MDM4: variants seen among roughly 807,000 people sequenced by gnomAD.
MDM4 encodes the protein protein Mdm4.
MDM4 carries 2 observed loss-of-function variants against 60.2 expected under a neutral mutation model. That is an observed-to-expected ratio of 0.03 (90% CI 0.01 to 0.10). The LOEUF (loss-of-function observed/expected upper bound fraction) is 0.10. Among genes scored for constraint, MDM4 ranks in the 10% least tolerant of loss-of-function variants. MDM4 has a pLI of 1.00. For missense variants in MDM4, 447 were observed against 577.5 expected (o/e 0.77, Z 2.32); for synonymous variants, 202 against 198.1 (o/e 1.02, Z -0.17).
Position 204,555,926 on chromosome 1 carries a change from G to GT in MDM4, c.*6255dup, listed in dbSNP as rs34656478. The stretch of plus-strand genomic sequence containing the variant: ...CCCTAATTTCTTATCTGAAGGCACT[G>GT]TTTTTTTTTTTAAACAGTTAAGTAC... On this transcript the variant is annotated 3_prime_UTR_variant, in exon 11 of 11. Coordinates refer to ENST00000367182, the MANE Select transcript of MDM4 (RefSeq NM_002393.5). 1,036 of 187,092 alleles carry GT rather than the reference G, an allele frequency of 5.5e-3. 2 individuals carry two copies. Among genetic ancestry groups the GT allele is most frequent in the Middle Eastern group, 0.021 (11 of 526 alleles). 11.6% of individuals were successfully genotyped at this position (187,092 alleles called of 1,614,324 possible).
chr1:204,541,404 T>C (rs947351336), intron 7 of MDM4, among the ~76,000 whole-genome samples: 1 of 152,008 alleles, frequency 6.6e-6, no homozygotes, highest in Non-Finnish European at 1.5e-5. Flanking sequence ...GAGGTGGAGA[T>C]TGCAGTGAGC....
At chr1:204,537,616 C>A in intron 6 of MDM4, 119 bp downstream of exon 6, 1 of 736,100 alleles carries the variant, frequency 1.4e-6, no homozygotes, top group East Asian at 2.5e-5. Flanking sequence ...AAGAAAGGTT[C>A]TTGGGAGTTC....
At chr1:204,548,713 A>G (rs1217709832) in intron 10 of MDM4, among the ~76,000 whole-genome samples, 2 of 152,076 alleles carry the variant, frequency 1.3e-5, no homozygotes, top group Non-Finnish European at 2.9e-5. Context: ...AACATTTGCT[A>G]TTAGTGTAGA....
chr1:204,528,865 T>G (rs1417249464), intron 3 of MDM4: 1 of 1,578,128 alleles, frequency 6.3e-7, no homozygotes, highest in African/African-American at 1.3e-5. Context: ...CGAGCTGTCA[T>G]GGTGACGACG....
rs1475208909 is a variant in MDM4 at position 204,530,796 on chromosome 1, G to A, written c.266G>A (p.Ser89Asn). ...DLLGELLGRQ[S>N]FSVKDPSPLY... Reference sequence around the variant, plus strand: ...TTGGGAGAACTACTGGGACGTCAGAGCTTCTCCGTGAAAGACCCAAGGTAA... The same window carrying A: ...TTGGGAGAACTACTGGGACGTCAGAACTTCTCCGTGAAAGACCCAAGGTAA... The change falls in exon 4 of 11, where the codon AGC becomes AAC. Residue 89 changes from serine (S) to asparagine (N), a missense_variant. Coordinates refer to ENST00000367182, the MANE Select transcript of MDM4 (RefSeq NM_002393.5). 3.7e-6 allele frequency: 6 copies of A among 1,614,182 alleles called. No homozygotes were observed. Among genetic ancestry groups the A allele is most frequent in the South Asian group, 2.2e-5 (2 of 91,076 alleles).
rs1663215028 is a variant in MDM4 at position 204,551,627 on chromosome 1, T to C, written c.*1945T>C. On this transcript the variant is annotated 3_prime_UTR_variant, in exon 11 of 11. Coordinates refer to ENST00000367182, the MANE Select transcript of MDM4 (RefSeq NM_002393.5). ...CTTTAAGTTGGTTTCCATAGAGCTATGCATGTATCCTTACCCCCATGGGAA... is the reference window on the plus strand; with the variant it reads ...CTTTAAGTTGGTTTCCATAGAGCTACGCATGTATCCTTACCCCCATGGGAA... 1.7e-5 allele frequency: 4 copies of C among 232,006 alleles called. No individual in the cohort carries two copies. The highest frequency in any genetic ancestry group is 1.7e-4 in the Admixed American group (3 of 17,746). 14.4% of individuals were successfully genotyped at this position (232,006 alleles called of 1,614,324 possible).
intron 7 of MDM4, among the ~76,000 whole-genome samples, chr1:204,541,999 GAA>G (rs1662139909): frequency 6.6e-6 from 1 of 152,210 alleles, no homozygotes; most frequent in African/African-American, 2.4e-5. Context: ...GTATGGGAAA[GAA>G]AAGAGTATCA....
At position 204,551,583 on chromosome 1, in the gene MDM4, A is replaced by G. The variant is rs969858569; in HGVS notation, c.*1901A>G. ...ATCAGAGCACATATTTTAGGACAAC[A>G]CATATGGAAATTGGACATCTTTAAG... On this transcript the variant is annotated 3_prime_UTR_variant, in exon 11 of 11. Coordinates refer to ENST00000367182, the MANE Select transcript of MDM4 (RefSeq NM_002393.5). 8.8e-6 allele frequency: 2 copies of G among 227,332 alleles called. No individual in the cohort carries two copies. The highest frequency in any genetic ancestry group is 2.3e-5 in the African/African-American group (1 of 44,086). 14.1% of individuals were successfully genotyped at this position (227,332 alleles called of 1,614,324 possible). A position where few individuals can be genotyped will look rare whatever the true frequency, so the allele number is the denominator to read the frequency against.
At chr1:204,543,434 T>A (rs560431835) in intron 8 of MDM4, among the ~76,000 whole-genome samples, 1 of 152,360 alleles carries the variant, frequency 6.6e-6, no homozygotes, top group Admixed American at 6.5e-5. Flanking sequence ...CTGTCATTCT[T>A]CTTTGTTCAC....
intron 6 of MDM4, 149 bp from the exon 7 acceptor site, chr1:204,538,059 CT>C: frequency 2.6e-6 from 2 of 769,212 alleles, no homozygotes; most frequent in Non-Finnish European, 4.8e-6. Flanking sequence ...GAGGTGTTGC[CT>C]TTATTTGATG....
rs1308461380 is a variant in MDM4, at chr1:204,557,157, G to A, written c.*7475G>A. ...ATGCTCTTGGTGTACCAAGCTCTGG[G>A]GTATATATTCAGAATACCTCATGTT... On this transcript the variant is annotated 3_prime_UTR_variant, in exon 11 of 11. Transcript: ENST00000367182. The A allele has an allele frequency of 5.1e-6, 1 of 197,176 alleles. No individual in the cohort carries two copies. Among genetic ancestry groups the A allele is most frequent in the Non-Finnish European group, 1.0e-5 (1 of 95,246 alleles). 12.2% of individuals were successfully genotyped at this position (197,176 alleles called of 1,614,324 possible).
chr1:204,542,827 G>T lies in MDM4; in HGVS notation c.555G>T (p.Arg185Ser). 1.2e-6 allele frequency: 2 copies of T among 1,613,946 alleles called. No homozygotes were observed. Among genetic ancestry groups the T allele is most frequent in the African/African-American group, 2.7e-5 (2 of 75,012 alleles). ...ATTTAGCCCAAGATGAAACATCTAGGCTGGACCTTGGATTTGAGGAGTGGG... is the reference window on the plus strand; with the variant it reads ...ATTTAGCCCAAGATGAAACATCTAGTCTGGACCTTGGATTTGAGGAGTGGG... ...IENLAQDETS[R>S]LDLGFEEWDV... The change falls in exon 8 of 11, where the codon AGG becomes AGT. Residue 185 changes from arginine (R) to serine (S), a missense_variant. Physicochemically the swap from Arg to Ser is moderately radical, Grantham distance 110. Transcript: ENST00000367182.
At chr1:204,542,695 T>C in intron 7 of MDM4, 89 bp from the exon 8 acceptor site, 2 of 980,136 alleles carry the variant, frequency 2.0e-6, no homozygotes, top group Non-Finnish European at 2.9e-6. Flanking sequence ...TTTTTACCTA[T>C]TTTATAAAGA....
chr1:204,523,893 G>A (rs767767614), intron 1 of MDM4, among the ~76,000 whole-genome samples: 16 of 152,104 alleles, frequency 1.1e-4, no homozygotes, highest in Non-Finnish European at 2.1e-4. Context: ...TGTTGTTCCC[G>A]TATTGGCTAG....
chr1:204,528,619 C>T (rs1011490467), intron 3 of MDM4, among the ~76,000 whole-genome samples: 1 of 152,222 alleles, frequency 6.6e-6, no homozygotes, highest in Admixed American at 6.5e-5. Flanking sequence ...CAGCTTTCAT[C>T]CTCTCCTTCA....
Position 204,526,234 on chromosome 1 carries a change from C to T in MDM4, c.79-126C>T, listed in dbSNP as rs577161923. The T allele has an allele frequency of 1.1e-4, 77 of 726,444 alleles. 1 individual carries two copies. The East Asian group carries it at 1.6e-3, about 15-fold the overall frequency. 45.0% of individuals were successfully genotyped at this position (726,444 alleles called of 1,614,324 possible). A position where few individuals can be genotyped will look rare whatever the true frequency, so the allele number is the denominator to read the frequency against. On this transcript the variant is annotated intron_variant, in intron 2 of 10. Transcript: ENST00000367182. ...TCACACCACTGCACTCCAGCCAAGG[C>T]GACAGAGCAAGACCTTGCCTCAAAA... is the stretch of plus-strand genomic sequence containing the variant.
rs1386856871 is a variant in MDM4 at position 204,546,189 on chromosome 1, ATTAT to A, written c.823-593_823-590del. ...CAATTTGGAGCTTTTCTACTCTGAA[ATTAT>A]TTATTTATTTATTTTTAAATTGTTT... On this transcript the variant is annotated intron_variant, in intron 9 of 10. Transcript: ENST00000367182. Among the ~76,000 whole-genome samples, 3 of 152,146 alleles carry A rather than the reference ATTAT, an allele frequency of 2.0e-5. No homozygotes were observed. The East Asian group carries it at 5.8e-4, about 29-fold the overall frequency.
chr1:204,520,808 C>G (rs887887122), intron 1 of MDM4, among the ~76,000 whole-genome samples: 4 of 151,882 alleles, frequency 2.6e-5, no homozygotes, highest in Non-Finnish European at 5.9e-5. Context: ...CCCAGGAGGT[C>G]GAGGTGGCAG....
At chr1:204,540,599 T>C (rs1458561076) in intron 7 of MDM4, among the ~76,000 whole-genome samples, 1 of 150,886 alleles carries the variant, frequency 6.6e-6, no homozygotes, top group African/African-American at 2.4e-5. Context: ...ACTGTCTATA[T>C]TAAAAATACA....
Sources: gnomAD v4.1 joint callset for allele counts (sites outside exome capture counted in the v4.1 genomes callset) on GRCh38, gnomAD v4.1.1 for gene constraint, MANE v1.5 for transcripts, NCBI Gene and HGNC (gene_info 2026-07-23, HGNC 2026-07-21) for gene names.